The following CEMIP2 variants were observed in gnomAD, a reference collection of about 807,000 sequenced individuals.
CEMIP2 encodes cell migration inducing hyaluronidase 2.
A neutral mutation model predicts 146.9 loss-of-function variants in CEMIP2; 79 were observed. The ratio of observed to expected loss-of-function variants is 0.54; its 90% CI spans 0.45 to 0.65. The LOEUF (loss-of-function observed/expected upper bound fraction) is 0.65. Ranked by LOEUF, CEMIP2 falls within the 30% of genes least tolerant of loss-of-function variation. CEMIP2 has a pLI of 0.00. For synonymous variants in CEMIP2, 601 were observed against 606.3 expected (o/e 0.99, Z 0.13); for missense variants, 1,596 against 1,696.2 (o/e 0.94, Z 1.04).
Position 71,722,741 on chromosome 9 carries a change from G to A in CEMIP2, c.2179-226C>T, listed in dbSNP as rs567151667. Among the ~76,000 whole-genome samples, 6 of 151,664 alleles carry A rather than the reference G, an allele frequency of 4.0e-5. No homozygotes were observed. In the South Asian group the frequency reaches 1.3e-3, roughly 32 times the overall value. Reference sequence around the variant, plus strand: ...TTTAGTCATTCAACAAATACTTACTGGTAGGCACCCAGTGTTATACATTAG... The same window carrying A: ...TTTAGTCATTCAACAAATACTTACTAGTAGGCACCCAGTGTTATACATTAG... On this transcript the variant is annotated intron_variant, in intron 11 of 23. Transcript: ENST00000377044.
At chr9:71,730,295 T>C (rs747254911) in intron 8 of CEMIP2, 42 bp from the exon 9 acceptor site, 10 of 1,584,168 alleles carry the variant, frequency 6.3e-6, no homozygotes, top group South Asian at 2.2e-5. Context: ...GTAACAAGAA[T>C]GATTGTGATT....
intron 14 of CEMIP2, 65 bp from the exon 15 acceptor site, chr9:71,715,154 A>G (rs1823010861): frequency 1.3e-6 from 2 of 1,539,348 alleles, no homozygotes; most frequent in South Asian, 1.2e-5. Context: ...TCCCAAATGT[A>G]GGCATGCTAT....
chr9:71,711,330 G>A (rs1050215879), intron 16 of CEMIP2, among the ~76,000 whole-genome samples: 2 of 151,824 alleles, frequency 1.3e-5, no homozygotes, highest in African/African-American at 4.8e-5. Flanking sequence ...GGGAGGCCAA[G>A]CTGAGAGGAC....
chr9:71,689,757 C>T (rs969331100), intron 22 of CEMIP2, among the ~76,000 whole-genome samples: 1 of 152,086 alleles, frequency 6.6e-6, no homozygotes, highest in Non-Finnish European at 1.5e-5. Context: ...AAGTATAATG[C>T]TCTGATATTT....
chr9:71,734,888 G>A lies in CEMIP2; in HGVS notation c.1311C>T (p.Ser437=). 1.2e-6 allele frequency: 2 copies of A among 1,613,944 alleles called. No individual in the cohort carries two copies. The highest frequency in any genetic ancestry group is 2.2e-5 in the East Asian group (1 of 44,858). The change falls in exon 6 of 24, where the codon AGC becomes AGT. Residue 437 remains serine (S), a synonymous_variant. Coordinates refer to ENST00000377044, the MANE Select transcript of CEMIP2 (RefSeq NM_013390.3). The stretch of plus-strand genomic sequence containing the variant: ...CTGCTTGGTACATGGAATAGTCTGT[G>A]CTTGCGACCACAATCTGGTCTCCAG... ...WKPGDQIVVA[S]TDYSMYQAEE...
At chr9:71,705,333 A>C (rs947329918) in intron 17 of CEMIP2, among the ~76,000 whole-genome samples, 1 of 152,196 alleles carries the variant, frequency 6.6e-6, no homozygotes, top group Non-Finnish European at 1.5e-5. Context: ...AACAACTGAA[A>C]AAACATTAAA....
At chr9:71,721,387 T>C (rs905332218) in intron 12 of CEMIP2, among the ~76,000 whole-genome samples, 32 of 152,178 alleles carry the variant, frequency 2.1e-4, no homozygotes, top group African/African-American at 7.7e-4. Flanking sequence ...GTTGATCAGC[T>C]TTTAGGTATC....
At chr9:71,755,245 TCA>T (rs1340662416) in intron 1 of CEMIP2, among the ~76,000 whole-genome samples, 8 of 149,282 alleles carry the variant, frequency 5.4e-5, no homozygotes, top group Non-Finnish European at 1.2e-4. Flanking sequence ...GCAAGGTGGC[TCA>T]CACCTGTAAT....
chr9:71,740,273 G>T (rs778518183), intron 4 of CEMIP2, 41 bp from the exon 5 acceptor site: 1 of 1,596,788 alleles, frequency 6.3e-7, no homozygotes, highest in Non-Finnish European at 8.5e-7. Flanking sequence ...TACTTGTCAT[G>T]GTATTCACAA....
At chr9:71,692,158 A>C (rs1328522232) in intron 21 of CEMIP2, among the ~76,000 whole-genome samples, 1 of 151,686 alleles carries the variant, frequency 6.6e-6, no homozygotes, top group African/African-American at 2.4e-5. Context: ...ATGCAATCCC[A>C]GATCTTAGGG....
intron 10 of CEMIP2, among the ~76,000 whole-genome samples, chr9:71,728,929 T>C (rs537833499): frequency 3.3e-5 from 5 of 151,732 alleles, no homozygotes; most frequent in Non-Finnish European, 7.4e-5. Flanking sequence ...CCTCCTGGGC[T>C]CAAGTATCCT....
chr9:71,724,152 G>A (rs1282854840), intron 11 of CEMIP2, among the ~76,000 whole-genome samples: 1 of 151,926 alleles, frequency 6.6e-6, no homozygotes, highest in Non-Finnish European at 1.5e-5. Context: ...AAAATTAGCT[G>A]GGCATGGTGG....
At chr9:71,748,660 G>T (rs1047421778) in intron 2 of CEMIP2, among the ~76,000 whole-genome samples, 15 of 152,192 alleles carry the variant, frequency 9.9e-5, no homozygotes, top group Non-Finnish European at 1.3e-4. Flanking sequence ...TGGTTATTCT[G>T]CTGGGAAAAG....
chr9:71,764,412 C>T (rs1824726837), intron 1 of CEMIP2, among the ~76,000 whole-genome samples: 1 of 150,954 alleles, frequency 6.6e-6, no homozygotes, highest in Middle Eastern at 3.2e-3. Context: ...AAGAATATAT[C>T]TGAGAAAGAA....
rs148721569 is a variant in CEMIP2, at chr9:71,701,348, C to T, written c.3195-524G>A. ...CTCGAACTCCTGACCTCAAGTGATC[C>T]GCCCACCTCAGCCTCCCAGAGTGCT... On this transcript the variant is annotated intron_variant, in intron 18 of 23. Transcript: ENST00000377044. Among the ~76,000 whole-genome samples the T allele has an allele frequency of 9.2e-5, 14 of 152,216 alleles. 1 individual carries two copies. The highest frequency in any genetic ancestry group is 1.9e-4 in the East Asian group (1 of 5,176).
In CEMIP2 at chr9:71,703,071, A is replaced by G. The variant is rs536923850; in HGVS notation, c.3194+1524T>C. ...TGATGATATTAGATTGGGCTTTCAGAAATCTCACTCTGGCCACAATGTGGA... is the reference window on the plus strand; with the variant it reads ...TGATGATATTAGATTGGGCTTTCAGGAATCTCACTCTGGCCACAATGTGGA... On this transcript the variant is annotated intron_variant, in intron 18 of 23. Coordinates refer to ENST00000377044, the MANE Select transcript of CEMIP2 (RefSeq NM_013390.3). Among the ~76,000 whole-genome samples, 3 of 152,310 alleles carry G rather than the reference A, an allele frequency of 2.0e-5. No homozygotes were observed. The East Asian group carries it at 5.8e-4, about 29-fold the overall frequency.
Position 71,722,427 on chromosome 9 carries a change from CT to C in CEMIP2, c.2266del (p.Arg756AspfsTer18). 6.2e-7 allele frequency: 1 copy of C among 1,610,894 alleles called. No individual in the cohort carries two copies. ...TGTGACTTAAAAGAGCCAGCTTTACCTTGCACTATTGTCCAAACAGAGGTAT... is the reference window on the plus strand; with the variant it reads ...TGTGACTTAAAAGAGCCAGCTTTACCTGCACTATTGTCCAAACAGAGGTAT... ...REYLCLDNSA[R>X]FRPHQDANPE... On this transcript the variant is annotated frameshift_variant and splice_region_variant, in exon 12 of 24. Coordinates refer to ENST00000377044, the MANE Select transcript of CEMIP2 (RefSeq NM_013390.3). LOFTEE classifies it high-confidence loss of function.
chr9:71,742,228 C>A (rs999104360), intron 4 of CEMIP2, among the ~76,000 whole-genome samples: 1 of 152,126 alleles, frequency 6.6e-6, no homozygotes, highest in East Asian at 1.9e-4. Flanking sequence ...ACTCTTTGGA[C>A]GACAATGCTT....
chr9:71,757,763 T>A (rs1248128628), intron 1 of CEMIP2, among the ~76,000 whole-genome samples: 1 of 152,214 alleles, frequency 6.6e-6, no homozygotes, highest in Non-Finnish European at 1.5e-5. Flanking sequence ...TTGGTTTGGT[T>A]TGAGGGGAAG....
Sources: gnomAD v4.1 joint callset for allele counts (sites outside exome capture counted in the v4.1 genomes callset) on GRCh38, gnomAD v4.1.1 for gene constraint, MANE v1.5 for transcripts, NCBI Gene and HGNC (gene_info 2026-07-23, HGNC 2026-07-21) for gene names.